Variants in CDH20 observed in about 807,000 individuals in gnomAD.
CDH20 encodes cadherin 20.
Under a neutral mutation model 74.2 loss-of-function variants are expected in CDH20, and 29 were observed. The ratio of observed to expected loss-of-function variants is 0.39; its 90% confidence interval spans 0.29 to 0.53. CDH20 has a LOEUF of 0.53. Among genes scored for constraint, CDH20 ranks in the 20% least tolerant of loss-of-function variants. The pLI is 0.69. For synonymous variants in CDH20, 469 were observed against 405.4 expected (o/e 1.16, Z -1.88); for missense variants, 988 against 1,048.3 (o/e 0.94, Z 0.79).
intron 1 of CDH20, among the ~76,000 whole-genome samples, chr18:61,361,116 AT>A (rs1910677755): frequency 6.6e-6 from 1 of 152,206 alleles, no homozygotes; most frequent in African/African-American, 2.4e-5. Context: ...GACTACAAGT[AT>A]TTCAATTAGT....
chr18:61,528,503 T>C lies in CDH20; in HGVS notation c.1271+283T>C, dbSNP rs887560379. 2.8e-3 allele frequency among the ~76,000 whole-genome samples: 394 copies of C among 142,910 alleles called. 3 individuals are homozygous for C. Among genetic ancestry groups the C allele is most frequent in the African/African-American group, 9.8e-3 (381 of 38,888 alleles). The allele number at this position is 142,910 out of a possible 152,430, so 93.8% of individuals were successfully genotyped here. A position where few individuals can be genotyped will look rare whatever the true frequency, so the allele number is the denominator to read the frequency against. ...CACACCCCTTAGTTCTCAATCATGGTCCTGTTGACATTTGGGGGTGGGTAA... is the reference window on the plus strand; with the variant it reads ...CACACCCCTTAGTTCTCAATCATGGCCCTGTTGACATTTGGGGGTGGGTAA... On this transcript the variant is annotated intron_variant, in intron 7 of 11. Coordinates refer to ENST00000262717, the MANE Select transcript of CDH20 (RefSeq NM_031891.4).
chr18:61,510,171 A>T (rs1287575640), intron 6 of CDH20, among the ~76,000 whole-genome samples: 2 of 152,166 alleles, frequency 1.3e-5, no homozygotes, highest in Admixed American at 1.3e-4. Flanking sequence ...AAATAAAACA[A>T]ATGAGATTCC....
chr18:61,397,196 T>C (rs1912012379), intron 1 of CDH20, among the ~76,000 whole-genome samples: 2 of 152,110 alleles, frequency 1.3e-5, no homozygotes, highest in Non-Finnish European at 2.9e-5. Flanking sequence ...AGACTTTCTC[T>C]GGAACCCACC....
chr18:61,335,946 C>T (rs967645436), intron 1 of CDH20, among the ~76,000 whole-genome samples: 2 of 152,096 alleles, frequency 1.3e-5, no homozygotes, highest in Non-Finnish European at 1.5e-5. Context: ...GGAGAGTTGC[C>T]GGGAAATTTA....
intron 6 of CDH20, among the ~76,000 whole-genome samples, chr18:61,513,481 A>G (rs1447451553): frequency 5.8e-5 from 7 of 120,052 alleles, no homozygotes; most frequent in African/African-American, 2.3e-4. Context: ...TTTTAATTGG[A>G]GCATTTAGTC....
chr18:61,510,500 G>A (rs961647977), intron 6 of CDH20, among the ~76,000 whole-genome samples: 6 of 152,258 alleles, frequency 3.9e-5, no homozygotes, highest in Non-Finnish European at 7.4e-5. Flanking sequence ...AAGTTAATGG[G>A]TGTTTATAAC....
At position 61,512,903 on chromosome 18, in the gene CDH20, G is replaced by T. The variant is rs192351856; in HGVS notation, c.1017+5343G>T. Among the ~76,000 whole-genome samples, 107 of 152,272 alleles carry T rather than the reference G, an allele frequency of 7.0e-4. 2 individuals are homozygous for T. The East Asian group carries it at 0.019, about 26-fold the overall frequency. Reference sequence around the variant, plus strand: ...TAATTTCTGTTCTTTTACATTTGCTGAGGAGAGCTTTACGGCCAACTATGT... The same window carrying T: ...TAATTTCTGTTCTTTTACATTTGCTTAGGAGAGCTTTACGGCCAACTATGT... On this transcript the variant is annotated intron_variant, in intron 6 of 11. Coordinates refer to ENST00000262717, the MANE Select transcript of CDH20 (RefSeq NM_031891.4).
chr18:61,455,996 T>C (rs1028828788), intron 1 of CDH20, among the ~76,000 whole-genome samples: 2 of 152,214 alleles, frequency 1.3e-5, no homozygotes, highest in African/African-American at 4.8e-5. Context: ...CATTTAAGTT[T>C]AAATCCTGGA....
chr18:61,428,311 A>G (rs916099894), intron 1 of CDH20, among the ~76,000 whole-genome samples: 1 of 152,098 alleles, frequency 6.6e-6, no homozygotes, highest in South Asian at 2.1e-4. Context: ...ACCTACTGTC[A>G]CCTTAATATT....
intron 1 of CDH20, among the ~76,000 whole-genome samples, chr18:61,366,002 C>T (rs1321677941): frequency 6.6e-6 from 1 of 152,182 alleles, no homozygotes; most frequent in Non-Finnish European, 1.5e-5. Flanking sequence ...AAGAACACGA[C>T]TTGCAACATT....
chr18:61,421,813 T>C (rs1323045887), intron 1 of CDH20, among the ~76,000 whole-genome samples: 2 of 152,152 alleles, frequency 1.3e-5, no homozygotes, highest in Non-Finnish European at 2.9e-5. Flanking sequence ...ATCATGAGTC[T>C]TGCTTTTCCA....
At chr18:61,400,207 T>C (rs1910797544) in intron 1 of CDH20, among the ~76,000 whole-genome samples, 2 of 152,282 alleles carry the variant, frequency 1.3e-5, no homozygotes, top group East Asian at 1.9e-4. Flanking sequence ...AGTCGCAGCC[T>C]CTTTCCAAAT....
intron 1 of CDH20, among the ~76,000 whole-genome samples, chr18:61,471,111 A>C (rs1910160048): frequency 6.6e-6 from 1 of 152,240 alleles, no homozygotes; most frequent in African/African-American, 2.4e-5. Context: ...CTTCTTTTTG[A>C]AATGGCATAT....
chr18:61,538,608 G>GTTTTTTTTTTTTTTTTT lies in CDH20; in HGVS notation c.1409-411_1409-410insTTTTTTTTTTTTTTTTT, dbSNP rs1449356386. 4.2e-3 allele frequency among the ~76,000 whole-genome samples: 152 copies of GTTTTTTTTTTTTTTTTT among 36,316 alleles called. 17 individuals carry two copies. Among genetic ancestry groups the GTTTTTTTTTTTTTTTTT allele is most frequent in the Non-Finnish European group, 6.6e-3 (110 of 16,558 alleles). The allele number at this position is 36,316 out of a possible 152,430, so 23.8% of individuals were successfully genotyped here. ...TGTTTGTTTGTTTGTTTTTGTTTTT[G>GTTTTTTTTTTTTTTTTT]TTTTTGTTTTTGTTTTGTTTTTTTT... On this transcript the variant is annotated intron_variant, in intron 8 of 11. Transcript: ENST00000262717.
chr18:61,403,635 C>A (rs946359776), intron 1 of CDH20, among the ~76,000 whole-genome samples: 6 of 152,090 alleles, frequency 3.9e-5, no homozygotes, highest in African/African-American at 7.2e-5. Context: ...GTCAGAGAGC[C>A]CTGTGGAAGC....
chr18:61,452,695 A>AT (rs61338551), intron 1 of CDH20, among the ~76,000 whole-genome samples: 12,082 of 152,084 alleles, frequency 0.079, 584 homozygotes, highest in Middle Eastern at 0.15. Flanking sequence ...AATTACTTGT[A>AT]TTTTTCCATC....
chr18:61,380,097 TG>T (rs1427447579), intron 1 of CDH20, among the ~76,000 whole-genome samples: 1 of 152,130 alleles, frequency 6.6e-6, no homozygotes, highest in African/African-American at 2.4e-5. Context: ...GCTGCGACTG[TG>T]GGTTAGGGAA....
At chr18:61,431,510 T>A (rs990846893) in intron 1 of CDH20, among the ~76,000 whole-genome samples, 1 of 152,192 alleles carries the variant, frequency 6.6e-6, no homozygotes, top group Non-Finnish European at 1.5e-5. Context: ...TTGGTTCTAA[T>A]GTACCATAGA....
At chr18:61,436,852 T>C (rs1299713120) in intron 1 of CDH20, among the ~76,000 whole-genome samples, 1 of 152,130 alleles carries the variant, frequency 6.6e-6, no homozygotes, top group African/African-American at 2.4e-5. Context: ...GGAGAGGCTA[T>C]ATAATTAGTA....
Sources: allele counts gnomAD v4.1 joint callset (sites outside exome capture counted in the v4.1 genomes callset), GRCh38; gene constraint gnomAD v4.1.1; transcripts MANE v1.5; gene names NCBI Gene and HGNC (gene_info 2026-07-23, HGNC 2026-07-21).